MAST2: variants seen among roughly 807,000 people sequenced by gnomAD.
The protein encoded by MAST2 is microtubule-associated serine/threonine-protein kinase 2.
In MAST2, 70 loss-of-function variants were observed where a neutral mutation model predicts 147.4. The observed-to-expected ratio is 0.47, with a 90% confidence interval of 0.39 to 0.58. The LOEUF is 0.58. MAST2 is among the 20% of genes least tolerant of loss of function. MAST2 has a pLI of 0.00. For missense variants in MAST2, 2,080 were observed against 2,302.3 expected, an observed-to-expected ratio of 0.90 and a Z score of 1.98; for synonymous variants, 869 against 896.8, an observed-to-expected ratio of 0.97 and a Z score of 0.55.
intron 11 of MAST2, among the ~76,000 whole-genome samples, 156 bp from the exon 12 acceptor site, chr1:46,021,794 C>A (rs1412495466): frequency 6.6e-6 from 1 of 152,226 alleles, no homozygotes; most frequent in Non-Finnish European, 1.5e-5. Context: ...TTCCTGTGAT[C>A]CCTGAATCAT....
chr1:45,892,838 G>A (rs4364819), intron 4 of MAST2, among the ~76,000 whole-genome samples: 121,239 of 152,174 alleles, frequency 0.8, 48,777 homozygotes, highest in East Asian at 0.98. Flanking sequence ...TAAAATGAGA[G>A]TAATAAGGCC....
intron 6 of MAST2, chr1:46,000,988 G>A (rs1315372138): frequency 4.7e-6 from 6 of 1,289,288 alleles, no homozygotes; most frequent in East Asian, 5.5e-5. Context: ...AGGTAATAGC[G>A]GGTATAATGG....
At chr1:45,984,420 A>G (rs1644532851) in intron 5 of MAST2, among the ~76,000 whole-genome samples, 2 of 151,276 alleles carry the variant, frequency 1.3e-5, no homozygotes, top group East Asian at 1.9e-4. Flanking sequence ...CTTCCACCTC[A>G]GCCTCCCAAC....
rs570038438 is a variant in MAST2, at chr1:45,967,349, C to T, written c.592+7872C>T. 8.5e-5 allele frequency among the ~76,000 whole-genome samples: 13 copies of T among 152,222 alleles called. No homozygotes were observed. In the East Asian group the frequency reaches 2.3e-3, roughly 27 times the overall value. On this transcript the variant is annotated intron_variant, in intron 5 of 28. Transcript: ENST00000361297. ...CCTACCAAAGTGCTAGGATTACAGG[C>T]GTGAGTCACTGCACCTGGCCTTGCA...
At chr1:45,917,378 C>G in intron 4 of MAST2, 1 of 1,366,526 alleles carries the variant, frequency 7.3e-7, no homozygotes. Context: ...TAAACCAGCA[C>G]ATGTTTTCAC....
intron 9 of MAST2, among the ~76,000 whole-genome samples, chr1:46,009,302 C>A (rs1645619117): frequency 6.6e-6 from 1 of 152,210 alleles, no homozygotes; most frequent in Non-Finnish European, 1.5e-5. Flanking sequence ...GATCCACCTG[C>A]CTCAGCCTCC....
At chr1:46,022,779 T>C in intron 12 of MAST2, 131 bp from the exon 13 acceptor site, 1 of 722,314 alleles carries the variant, frequency 1.4e-6, no homozygotes, top group Non-Finnish European at 2.5e-6. Flanking sequence ...GCCATGGGAC[T>C]GAATTCACAT....
intron 4 of MAST2, among the ~76,000 whole-genome samples, chr1:45,924,993 C>T (rs147274162): frequency 6.6e-6 from 1 of 152,166 alleles, no homozygotes; most frequent in South Asian, 2.1e-4. Context: ...TTAAGTCACC[C>T]AGTTTGTGAT....
chr1:45,997,921 A>G (rs1362965316), intron 6 of MAST2, 122 bp downstream of exon 6: 3 of 835,270 alleles, frequency 3.6e-6, no homozygotes, highest in Non-Finnish European at 6.0e-6. Context: ...TGAAGCTCCC[A>G]TCCATCAAAA....
chr1:45,826,036 C>T (rs1223684596), intron 2 of MAST2, among the ~76,000 whole-genome samples: 1 of 151,970 alleles, frequency 6.6e-6, no homozygotes, highest in African/African-American at 2.4e-5. Context: ...CATTACACTC[C>T]AGCTGGGGCG....
At chr1:45,975,277 T>C (rs1026484271) in intron 5 of MAST2, among the ~76,000 whole-genome samples, 4 of 151,964 alleles carry the variant, frequency 2.6e-5, no homozygotes, top group African/African-American at 9.7e-5. Flanking sequence ...AGGTGTTCTT[T>C]TTGGAGGTAG....
chr1:45,862,229 A>G (rs1006559798), intron 3 of MAST2, among the ~76,000 whole-genome samples: 1 of 152,212 alleles, frequency 6.6e-6, no homozygotes, highest in African/African-American at 2.4e-5. Context: ...GTTGTGAATC[A>G]TTCATACATG....
At chr1:45,993,060 C>T (rs1418589871) in intron 5 of MAST2, among the ~76,000 whole-genome samples, 1 of 151,972 alleles carries the variant, frequency 6.6e-6, no homozygotes, top group Non-Finnish European at 1.5e-5. Flanking sequence ...CCCTTCCAGC[C>T]TTTATATAGT....
At chr1:45,969,661 G>C (rs905205734) in intron 5 of MAST2, among the ~76,000 whole-genome samples, 1 of 151,908 alleles carries the variant, frequency 6.6e-6, no homozygotes, top group Non-Finnish European at 1.5e-5. Flanking sequence ...GGACCATCTA[G>C]TTGCAGGAAA....
chr1:46,035,781 G>C lies in MAST2; in HGVS notation c.5112G>C (p.Lys1704Asn), dbSNP rs551412091. The C allele has an allele frequency of 1.2e-6, 2 of 1,614,092 alleles. No individual in the cohort carries two copies. Among genetic ancestry groups the C allele is most frequent in the South Asian group, 2.2e-5 (2 of 91,088 alleles). Residue 1704 changes from lysine (K) to asparagine (N), a missense_variant, in exon 29 of 29, where the codon AAG becomes AAC. Lys to Asn is a moderately conservative substitution (Grantham distance 94). Transcript: ENST00000361297. The surrounding 1 kb of genome is among the most constrained non-coding windows in gnomAD (Gnocchi z 5.5). ...PKNLSPREQG[K>N]TQPPSAPRLA... Reference sequence around the variant, plus strand: ...ACCTGTCTCCCAGGGAGCAGGGGAAGACACAGCCACCTAGTGCCCCCAGAC... The same window carrying C: ...ACCTGTCTCCCAGGGAGCAGGGGAACACACAGCCACCTAGTGCCCCCAGAC...
chr1:45,968,277 T>C (rs1452527861), intron 5 of MAST2, among the ~76,000 whole-genome samples: 1 of 152,250 alleles, frequency 6.6e-6, no homozygotes, highest in East Asian at 1.9e-4. Context: ...ACTTCTCCAG[T>C]GTGCTTGCTT....
intron 4 of MAST2, among the ~76,000 whole-genome samples, chr1:45,922,802 G>C (rs774491475): frequency 6.6e-6 from 1 of 152,186 alleles, no homozygotes; most frequent in Non-Finnish European, 1.5e-5. Flanking sequence ...CGACTCTGTA[G>C]AGCATGCAGC....
chr1:45,917,518 GC>G, intron 4 of MAST2: 1 of 1,366,458 alleles, frequency 7.3e-7, no homozygotes, highest in Non-Finnish European at 9.8e-7. Context: ...TGTTCCAGCC[GC>G]CCACTGCCGT....
intron 3 of MAST2, among the ~76,000 whole-genome samples, chr1:45,863,531 T>C (rs1224514980): frequency 2.6e-5 from 4 of 152,202 alleles, no homozygotes; most frequent in African/African-American, 9.6e-5. Context: ...ATGGATCCTG[T>C]TTTTTGTGCT....
Sources: gnomAD v4.1 joint callset for allele counts (sites outside exome capture counted in the v4.1 genomes callset) on GRCh38, gnomAD v4.1.1 for gene constraint, Gnocchi (gnomAD v3.1) non-coding constraint, MANE v1.5 for transcripts, NCBI Gene and HGNC (gene_info 2026-07-23, HGNC 2026-07-21) for gene names.